Variants in ZNF670 observed in about 807,000 individuals in gnomAD.
ZNF670 encodes zinc finger protein 670.
A neutral mutation model predicts 10.9 loss-of-function variants in ZNF670; 7 were observed. The ratio of observed to expected loss-of-function variants is 0.64; its 90% CI spans 0.36 to 1.20. The LOEUF is 1.20. ZNF670 is among the 50% of genes most tolerant of loss of function. The probability of loss-of-function intolerance (pLI) is 0.02; values close to 1 mark genes in which losing one functional copy is unlikely to be tolerated. For synonymous variants in ZNF670, 136 were observed against 152.7 expected, an observed-to-expected ratio of 0.89 and a Z score of 0.81; for missense variants, 446 against 458.6, an observed-to-expected ratio of 0.97 and a Z score of 0.25.
chr1:247,076,615 T>C (rs1671260360), intron 1 of ZNF670, among the ~76,000 whole-genome samples: 1 of 151,854 alleles, frequency 6.6e-6, no homozygotes, highest in Non-Finnish European at 1.5e-5. Context: ...GCAGCTCTTA[T>C]ACCTGGTGTT....
chr1:247,074,728 G>A (rs114271150), intron 1 of ZNF670, among the ~76,000 whole-genome samples: 73 of 152,154 alleles, frequency 4.8e-4, no homozygotes, highest in African/African-American at 1.6e-3. Flanking sequence ...AGTAGGGTTC[G>A]TGCTCCTCTG....
rs180960416 is a variant in ZNF670, at chr1:247,076,429, T to G, written c.3+2165A>C. Among the ~76,000 whole-genome samples the G allele has an allele frequency of 5.0e-4, 75 of 150,878 alleles. No homozygotes were observed. The East Asian group carries it at 0.015, about 29-fold the overall frequency. ...CCGCCACCATGCCCGGCTAATTTTT[T>G]GTATTTTTAGTAGAGATGGGGTTTC... On this transcript the variant is annotated intron_variant, in intron 1 of 3. Coordinates refer to ENST00000366503, the MANE Select transcript of ZNF670 (RefSeq NM_033213.5).
intron 1 of ZNF670, among the ~76,000 whole-genome samples, chr1:247,051,185 G>A (rs542823458): frequency 1.3e-5 from 2 of 151,606 alleles, no homozygotes; most frequent in East Asian, 3.9e-4. Context: ...GCAAGCGCCT[G>A]TAGTCCCAGC....
chr1:247,037,949 G>T lies in ZNF670; in HGVS notation c.670C>A (p.Pro224Thr), dbSNP rs1313949878. The T allele has an allele frequency of 6.2e-7, 1 of 1,613,742 alleles. No individual in the cohort carries two copies. Among genetic ancestry groups the T allele is most frequent in the Non-Finnish European group, 8.5e-7 (1 of 1,179,902 alleles). The change falls in exon 4 of 4, where the codon CCC (proline) becomes ACC (threonine). Residue 224 changes from proline to threonine, a missense_variant. Coordinates refer to ENST00000366503, the MANE Select transcript of ZNF670 (RefSeq NM_033213.5). ...TTACCACATTTCTTACATGCATAGG[G>T]TTTCTCTCCAGTATGAGTTCTTTCA... ...EHERTHTGEK[P>T]YACKKCGKSF... is the part of the protein sequence containing the mutation.
chr1:247,067,485 T>G (rs987913645), intron 1 of ZNF670, among the ~76,000 whole-genome samples: 1 of 142,040 alleles, frequency 7.0e-6, no homozygotes, highest in East Asian at 2.1e-4. Context: ...AGTTCACAGG[T>G]AGTTCCCCAC....
rs74163726 is a variant in ZNF670 at position 247,072,804 on chromosome 1, G to GTA, written c.3+5788_3+5789dup. Reference sequence around the variant, plus strand: ...CTCTGTCTCAAAAAAAAAAGTGTGTGTATATATATATATATATATATATAT... The same window carrying GTA: ...CTCTGTCTCAAAAAAAAAAGTGTGTGTATATATATATATATATATATATATAT... On this transcript the variant is annotated intron_variant, in intron 1 of 3. Transcript: ENST00000366503. Among the ~76,000 whole-genome samples, 416 of 47,610 alleles carry GTA rather than the reference G, an allele frequency of 8.7e-3. 11 individuals carry two copies. Among genetic ancestry groups the GTA allele is most frequent in the East Asian group, 0.023 (15 of 656 alleles). The allele number at this position is 47,610 out of a possible 152,430, so 31.2% of individuals were successfully genotyped here.
At chr1:247,067,112 C>T (rs1670999066) in intron 1 of ZNF670, among the ~76,000 whole-genome samples, 1 of 152,110 alleles carries the variant, frequency 6.6e-6, no homozygotes, top group Non-Finnish European at 1.5e-5. Context: ...CATCCTGTAA[C>T]CTTGGCAAAA....
intron 1 of ZNF670, among the ~76,000 whole-genome samples, chr1:247,061,155 C>T (rs1476393649): frequency 2.0e-5 from 3 of 151,616 alleles, no homozygotes; most frequent in Non-Finnish European, 4.4e-5. Context: ...CACAGTCAAC[C>T]GAAACACTGT....
chr1:247,061,747 A>G (rs1670864709), intron 1 of ZNF670, among the ~76,000 whole-genome samples: 1 of 152,186 alleles, frequency 6.6e-6, no homozygotes, highest in Non-Finnish European at 1.5e-5. Context: ...GAGCAGACAA[A>G]TGTCTGATAA....
intron 1 of ZNF670, among the ~76,000 whole-genome samples, chr1:247,052,597 T>C (rs544761084): frequency 6.6e-6 from 1 of 152,262 alleles, no homozygotes; most frequent in Admixed American, 6.5e-5. Flanking sequence ...AATGAACTTG[T>C]CATGTGGGCA....
chr1:247,057,999 A>C (rs185389107), intron 1 of ZNF670, among the ~76,000 whole-genome samples: 313 of 152,342 alleles, frequency 2.1e-3, no homozygotes, highest in African/African-American at 7.2e-3. Flanking sequence ...GGTTATAAAC[A>C]GTTTGTAACA....
intron 1 of ZNF670, among the ~76,000 whole-genome samples, chr1:247,058,726 A>C (rs924252576): frequency 6.6e-6 from 1 of 150,954 alleles, no homozygotes; most frequent in Non-Finnish European, 1.5e-5. Flanking sequence ...AAAAAAAAAA[A>C]CCACAGTGAA....
chr1:247,058,883 A>G (rs1167529221), intron 1 of ZNF670, among the ~76,000 whole-genome samples: 2 of 152,286 alleles, frequency 1.3e-5, no homozygotes, highest in Non-Finnish European at 1.5e-5. Flanking sequence ...CAATAAAGTA[A>G]TAACTGTCCA....
chr1:247,069,545 T>A (rs1242623209), intron 1 of ZNF670, among the ~76,000 whole-genome samples: 1 of 150,956 alleles, frequency 6.6e-6, no homozygotes, highest in African/African-American at 2.5e-5. Context: ...ATATCCACAC[T>A]CTCGTTTGTT....
rs1019151770 is a variant in ZNF670, at chr1:247,078,780, C to T, written c.-184G>A. 1 of 630,160 alleles carries T rather than the reference C, an allele frequency of 1.6e-6. No individual in the cohort carries two copies. Among genetic ancestry groups the T allele is most frequent in the Admixed American group, 3.1e-5 (1 of 32,574 alleles). The allele number at this position is 630,160 out of a possible 1,614,324, so 39.0% of individuals were successfully genotyped here. On this transcript the variant is annotated 5_prime_UTR_variant, in exon 1 of 4. Transcript: ENST00000366503. ...CAAAAGCCGCGCCAGGTCCCGGAAG[C>T]TGCTCCCTCCTTTCGCGGCGCGCTT...
intron 1 of ZNF670, among the ~76,000 whole-genome samples, chr1:247,062,256 T>C (rs1435216506): frequency 6.6e-6 from 1 of 152,184 alleles, no homozygotes; most frequent in East Asian, 1.9e-4. Flanking sequence ...ACATTTCCCT[T>C]ATTTGTTTTC....
chr1:247,069,506 A>G (rs10802463), intron 1 of ZNF670, among the ~76,000 whole-genome samples: 85,504 of 150,838 alleles, frequency 0.57, 27,123 homozygotes, highest in African/African-American at 0.83. Context: ...GTATATAGCC[A>G]AAAGAAAGGA....
rs922208286 is a variant in ZNF670 at position 247,035,255 on chromosome 1, C to T, written c.*2194G>A. Among the ~76,000 whole-genome samples the T allele has an allele frequency of 6.6e-5, 10 of 152,184 alleles. No individual in the cohort carries two copies. The highest frequency in any genetic ancestry group is 2.2e-4 in the African/African-American group (9 of 41,436). ...GACCCTAAGACTACTGGGAAAAACA[C>T]GTGACACCCATGAGTGTACAGATAA... is the stretch of plus-strand genomic sequence containing the variant. On this transcript the variant is annotated 3_prime_UTR_variant, in exon 4 of 4. Coordinates refer to ENST00000366503, the MANE Select transcript of ZNF670 (RefSeq NM_033213.5).
At chr1:247,052,765 G>A (rs1281718633) in intron 1 of ZNF670, among the ~76,000 whole-genome samples, 2 of 152,182 alleles carry the variant, frequency 1.3e-5, no homozygotes, top group African/African-American at 2.4e-5. Context: ...AGCATCAGCT[G>A]CAGTAATATA....
Sources: gnomAD v4.1 joint callset for allele counts (sites outside exome capture counted in the v4.1 genomes callset) on GRCh38, gnomAD v4.1.1 for gene constraint, MANE v1.5 for transcripts, NCBI Gene and HGNC (gene_info 2026-07-23, HGNC 2026-07-21) for gene names.